The following PRDM15 variants were observed in gnomAD, a reference collection of about 807,000 sequenced individuals.
PRDM15 encodes the protein PR/SET domain 15.
PRDM15 carries 64 observed loss-of-function variants against 128.6 expected under a neutral mutation model. That is an observed-to-expected ratio of 0.50 (90% CI 0.41 to 0.61). The LOEUF (loss-of-function observed/expected upper bound fraction) is 0.61, where lower values mean the gene tolerates loss of function less well. Ranked by LOEUF, PRDM15 falls within the 20% of genes least tolerant of loss-of-function variation. PRDM15 has a pLI of 0.00. For synonymous variants in PRDM15, 615 were observed against 621.8 expected, an observed-to-expected ratio of 0.99 and a Z score of 0.16; for missense variants, 1,242 against 1,569.1, an observed-to-expected ratio of 0.79 and a Z score of 3.52.
rs1345745829 is a variant in PRDM15 at position 41,832,585 on chromosome 21, T to C, written c.1366+2852A>G. 2.0e-5 allele frequency among the ~76,000 whole-genome samples: 3 copies of C among 152,116 alleles called. No individual in the cohort carries two copies. Among genetic ancestry groups the C allele is most frequent in the African/African-American group, 7.2e-5 (3 of 41,396 alleles). ...CTCAACCTGGGCCTCCTGAACAGCA[T>C]AGGTGAGCCTCCCTCCCAGCCAGGC... On this transcript the variant is annotated intron_variant, in intron 11 of 23. Coordinates refer to ENST00000398548, the MANE Select transcript of PRDM15 (RefSeq NM_001040424.3). The surrounding 1 kb of genome is among the most constrained non-coding windows in gnomAD (Gnocchi z 4.2).
chr21:41,820,011 T>C (rs2062196213), intron 17 of PRDM15, 84 bp downstream of exon 17: 1 of 1,174,802 alleles, frequency 8.5e-7, no homozygotes, highest in South Asian at 1.2e-5. Context: ...GCTCTGTGTG[T>C]AGAATACGCG....
chr21:41,801,926 G>T (rs1266634226), intron 23 of PRDM15, among the ~76,000 whole-genome samples: 1 of 152,026 alleles, frequency 6.6e-6, no homozygotes, highest in Non-Finnish European at 1.5e-5. Flanking sequence ...GCAATGAGAA[G>T]GAACTAAGAA....
intron 11 of PRDM15, 135 bp downstream of exon 11, chr21:41,835,302 G>T: frequency 1.4e-6 from 1 of 725,256 alleles, no homozygotes; most frequent in Non-Finnish European, 2.4e-6. Flanking sequence ...AAAATGGACA[G>T]AGGGAAATGT....
chr21:41,878,817 CGGCG>C, intron 1 of PRDM15: 1 of 1,157,144 alleles, frequency 8.6e-7, no homozygotes, highest in Non-Finnish European at 1.1e-6. Flanking sequence ...CGACGCCGCC[CGGCG>C]GCGGGGGCCG....
In PRDM15 at chr21:41,879,335, G is replaced by C. The variant is rs1341427593; in HGVS notation, c.-75C>G. On this transcript the variant is annotated 5_prime_UTR_variant, in exon 1 of 24. Transcript: ENST00000398548. This position sits in a 1 kb window ranked among gnomAD's most constrained non-coding sequence, Gnocchi z 5.1. ...CGGGTTGCGATCCGCTCCGGAAACT[G>C]CGCAGCACCGGAAGCCGGGGGGCGG... 61 of 1,099,888 alleles carry C rather than the reference G, an allele frequency of 5.5e-5. No homozygotes were observed. Among genetic ancestry groups the C allele is most frequent in the Non-Finnish European group, 6.7e-5 (60 of 894,268 alleles). The allele number at this position is 1,099,888 out of a possible 1,614,324, so 68.1% of individuals were successfully genotyped here.
intron 18 of PRDM15, 78 bp downstream of exon 18, chr21:41,819,504 C>A: frequency 2.0e-6 from 2 of 1,020,542 alleles, no homozygotes; most frequent in South Asian, 1.5e-5. Flanking sequence ...TCCCAGTTCT[C>A]GCTCATGTCC....
rs1362832925 is a variant in PRDM15, at chr21:41,799,365, A to C, written c.*1875T>G. The C allele has an allele frequency of 2.0e-5, 3 of 152,260 alleles. No individual in the cohort carries two copies. In the East Asian group the frequency reaches 5.8e-4, roughly 29 times the overall value. 9.4% of individuals were successfully genotyped at this position (152,260 alleles called of 1,614,324 possible). A position where few individuals can be genotyped will look rare whatever the true frequency, so the allele number is the denominator to read the frequency against. On this transcript the variant is annotated 3_prime_UTR_variant, in exon 24 of 24. Transcript: ENST00000398548. ...GGAGAATGGAGACAATATCACCCCA[A>C]GCCCGAATTCATTTGATGAGACTAC...
chr21:41,803,156 G>A (rs1021615925), intron 22 of PRDM15: 4 of 564,210 alleles, frequency 7.1e-6, no homozygotes, highest in Non-Finnish European at 1.3e-5. Context: ...ATTTTTAAAA[G>A]TTGTATTTTA....
rs768947920 is a variant in PRDM15 at position 41,859,654 on chromosome 21, G to A, written c.69C>T (p.Ser23=). The A allele has an allele frequency of 8.7e-6, 14 of 1,613,756 alleles. No homozygotes were observed. Among genetic ancestry groups the A allele is most frequent in the Non-Finnish European group, 1.1e-5 (13 of 1,179,986 alleles). The change falls in exon 3 of 24, where the codon TCC becomes TCT. Residue 23 remains serine, a synonymous_variant. Coordinates refer to ENST00000398548, the MANE Select transcript of PRDM15 (RefSeq NM_001040424.3). This position sits in a 1 kb window ranked among gnomAD's most constrained non-coding sequence, Gnocchi z 5.3. The part of the protein sequence containing the change: ...WCEDCSQYHD[S]ECPELGPVVM... ...CCACTGGGCCCAGCTCGGGACATTC[G>A]GAGTCGTGGTACTGGCTGCAGTCTT...
intron 21 of PRDM15, 74 bp from the exon 22 acceptor site, chr21:41,804,688 G>C: frequency 8.5e-7 from 1 of 1,171,128 alleles, no homozygotes. Flanking sequence ...AGCCACACAC[G>C]CCTTGGGACC....
chr21:41,875,355 T>G (rs912526732), intron 1 of PRDM15, among the ~76,000 whole-genome samples: 1 of 152,280 alleles, frequency 6.6e-6, no homozygotes, highest in African/African-American at 2.4e-5. Context: ...CTCCACCTGA[T>G]GCCTGGAACC....
At chr21:41,846,180 C>T (rs2063258831) in intron 6 of PRDM15, among the ~76,000 whole-genome samples, 1 of 152,192 alleles carries the variant, frequency 6.6e-6, no homozygotes, top group African/African-American at 2.4e-5. Context: ...GGCCTGGGGC[C>T]TCTGAGCACG....
chr21:41,826,669 G>C (rs1042817585), intron 12 of PRDM15, among the ~76,000 whole-genome samples: 2 of 152,070 alleles, frequency 1.3e-5, no homozygotes, highest in Non-Finnish European at 2.9e-5. Context: ...CTACACTGCC[G>C]ACCCATTCTG....
chr21:41,871,427 A>C (rs1489889506), intron 1 of PRDM15: 3 of 1,266,146 alleles, frequency 2.4e-6, no homozygotes, highest in Non-Finnish European at 3.1e-6. Context: ...AGCAGCTGCC[A>C]TTGTTAAAGC....
chr21:41,869,739 C>T (rs1308831171), intron 1 of PRDM15, among the ~76,000 whole-genome samples: 6 of 152,232 alleles, frequency 3.9e-5, no homozygotes, highest in African/African-American at 1.4e-4. Flanking sequence ...GCCACCAGGC[C>T]CAGCTAGAAA....
Position 41,859,323 on chromosome 21 carries a change from TC to T in PRDM15, c.131+268del. ...TTGGCAAGTCCACTCTTCTGCAGCC[TC>T]CACACACTGTGTCGGGAACAGCTGG... On this transcript the variant is annotated intron_variant, in intron 3 of 23. Coordinates refer to ENST00000398548, the MANE Select transcript of PRDM15 (RefSeq NM_001040424.3). This position sits in a 1 kb window ranked among gnomAD's most constrained non-coding sequence, Gnocchi z 5.3. 1 of 1,150,564 alleles carries T rather than the reference TC, an allele frequency of 8.7e-7. No homozygotes were observed. The highest frequency in any genetic ancestry group is 1.4e-5 in the South Asian group (1 of 71,180). The allele number at this position is 1,150,564 out of a possible 1,614,324, so 71.3% of individuals were successfully genotyped here. A position where few individuals can be genotyped will look rare whatever the true frequency, so the allele number is the denominator to read the frequency against.
At position 41,828,131 on chromosome 21, in the gene PRDM15, C is replaced by G. The variant is rs1342676396; in HGVS notation, c.1534+35G>C. 1 of 1,608,298 alleles carries G rather than the reference C, an allele frequency of 6.2e-7. No individual in the cohort carries two copies. Among genetic ancestry groups the G allele is most frequent in the Admixed American group, 1.7e-5 (1 of 59,946 alleles). The stretch of plus-strand genomic sequence containing the variant: ...CTGCCCCACCCCGCAGGAGCTGCCT[C>G]TCCCCGCCCGCAGCAGGTGCGCAGG... On this transcript the variant is annotated intron_variant, in intron 12 of 23. Coordinates refer to ENST00000398548, the MANE Select transcript of PRDM15 (RefSeq NM_001040424.3). The surrounding 1 kb of genome is among the most constrained non-coding windows in gnomAD (Gnocchi z 5.7).
Position 41,810,068 on chromosome 21 carries a change from G to C in PRDM15, c.2652+86C>G. The C allele has an allele frequency of 2.9e-6, 4 of 1,369,170 alleles. No homozygotes were observed. The highest frequency in any genetic ancestry group is 4.0e-6 in the Non-Finnish European group (4 of 997,700). 84.8% of individuals were successfully genotyped at this position (1,369,170 alleles called of 1,614,324 possible). ...CTGCCTCCAGTACTGGGGGTCTGCA[G>C]AGGGAGGTGGGCCATGTGCCAGCAT... On this transcript the variant is annotated intron_variant, in intron 21 of 23. Coordinates refer to ENST00000398548, the MANE Select transcript of PRDM15 (RefSeq NM_001040424.3). This position sits in a 1 kb window ranked among gnomAD's most constrained non-coding sequence, Gnocchi z 6.4.
intron 1 of PRDM15, among the ~76,000 whole-genome samples, chr21:41,865,494 C>T (rs1260197407): frequency 6.6e-6 from 1 of 151,724 alleles, no homozygotes. Context: ...CAGCCACTTC[C>T]TGGTACACCC....
Sources: allele counts gnomAD v4.1 joint callset (sites outside exome capture counted in the v4.1 genomes callset), GRCh38; gene constraint gnomAD v4.1.1; non-coding constraint Gnocchi (gnomAD v3.1); transcripts MANE v1.5; gene names NCBI Gene and HGNC (gene_info 2026-07-23, HGNC 2026-07-21).